Variants in RABGEF1 observed in about 807,000 individuals in gnomAD.
RABGEF1 encodes rab5 GDP/GTP exchange factor.
RABGEF1 carries 26 observed loss-of-function variants against 57.3 expected under a neutral mutation model. The observed-to-expected ratio is 0.45, with a 90% confidence interval of 0.33 to 0.63. The LOEUF (loss-of-function observed/expected upper bound fraction) is 0.63, where lower values mean the gene tolerates loss of function less well. Among genes scored for constraint, RABGEF1 ranks in the 20% least tolerant of loss-of-function variants. The pLI is 0.02. For missense variants in RABGEF1, 464 were observed against 607.6 expected (o/e 0.76, Z 2.48); for synonymous variants, 185 against 210.7 (o/e 0.88, Z 1.06).
intron 2 of RABGEF1, among the ~76,000 whole-genome samples, chr7:66,733,069 T>C (rs1390583377): frequency 6.6e-6 from 1 of 152,224 alleles, no homozygotes; most frequent in African/African-American, 2.4e-5. Context: ...TCAAGGTTCC[T>C]GGAGTCCTGG....
At chr7:66,690,100 C>CTT (rs892888858) in intron 1 of RABGEF1, among the ~76,000 whole-genome samples, 81 of 124,198 alleles carry the variant, frequency 6.5e-4, no homozygotes, top group Non-Finnish European at 8.3e-4. Context: ...ATAAAAAATT[C>CTT]TTTTTTTTTT....
chr7:66,721,100 G>A (rs1376428749), intron 2 of RABGEF1, among the ~76,000 whole-genome samples: 2 of 152,036 alleles, frequency 1.3e-5, no homozygotes, highest in Non-Finnish European at 2.9e-5. Context: ...TGTATATTTA[G>A]TAGGGATGGG....
intron 1 of RABGEF1, among the ~76,000 whole-genome samples, chr7:66,753,452 A>T (rs1419619562): frequency 6.6e-6 from 1 of 152,206 alleles, no homozygotes; most frequent in Admixed American, 6.5e-5. Flanking sequence ...AAAATATTAC[A>T]GGCATACTTT....
intron 1 of RABGEF1, among the ~76,000 whole-genome samples, chr7:66,766,463 C>A (rs1450188776): frequency 6.6e-6 from 1 of 152,030 alleles, no homozygotes; most frequent in Non-Finnish European, 1.5e-5. Context: ...CTATTCTTTT[C>A]TTTTTTTCTA....
intron 3 of RABGEF1, among the ~76,000 whole-genome samples, chr7:66,779,039 C>T (rs529786076): frequency 3.3e-5 from 5 of 152,058 alleles, no homozygotes; most frequent in East Asian, 3.9e-4. Flanking sequence ...CGCTTGAACC[C>T]GGGGAGTGGA....
At chr7:66,725,840 A>G (rs1385013874) in intron 2 of RABGEF1, among the ~76,000 whole-genome samples, 5 of 152,234 alleles carry the variant, frequency 3.3e-5, no homozygotes, top group Admixed American at 1.3e-4. Flanking sequence ...AGTTACACCC[A>G]TGCTTTGGAA....
At position 66,790,872 on chromosome 7, in the gene RABGEF1, T is replaced by C. The variant is rs113926933; in HGVS notation, c.514-4639T>C. Among the ~76,000 whole-genome samples, 430 of 152,356 alleles carry C rather than the reference T, an allele frequency of 2.8e-3. 1 individual carries two copies. The highest frequency in any genetic ancestry group is 1.0e-2 in the African/African-American group (414 of 41,590). On this transcript the variant is annotated intron_variant, in intron 4 of 8. Coordinates refer to ENST00000284957, the MANE Select transcript of RABGEF1 (RefSeq NM_014504.3). ...GACACTACAGGTCTTCTAGAGTTCA[T>C]GAATCACGCTGTATCTGCTCAGACT...
intron 1 of RABGEF1, among the ~76,000 whole-genome samples, chr7:66,771,199 C>T (rs1172343123): frequency 8.5e-5 from 13 of 152,150 alleles, no homozygotes; most frequent in African/African-American, 2.9e-4. Context: ...AGTGCAGTGG[C>T]GTGATCTTGG....
At chr7:66,777,648 G>T (rs952990237) in intron 3 of RABGEF1, among the ~76,000 whole-genome samples, 10 of 152,184 alleles carry the variant, frequency 6.6e-5, no homozygotes, top group Admixed American at 5.9e-4. Flanking sequence ...CTGGAGCTGG[G>T]TGCAGTGGCT....
At chr7:66,734,587 T>C (rs903067081) in intron 2 of RABGEF1, among the ~76,000 whole-genome samples, 13 of 150,920 alleles carry the variant, frequency 8.6e-5, no homozygotes, top group African/African-American at 3.2e-4. Context: ...TGAGCCACCA[T>C]GCCTGGCTAA....
upstream of RABGEF1, chr7:66,740,610 C>G (rs1384792107): frequency 6.6e-6 from 1 of 152,660 alleles, no homozygotes; most frequent in Admixed American, 6.5e-5. Context: ...CACTTCCTCC[C>G]GTCCAGAGTC....
intron 8 of RABGEF1, among the ~76,000 whole-genome samples, chr7:66,806,321 A>C (rs982479001): frequency 6.6e-6 from 1 of 152,184 alleles, no homozygotes; most frequent in Non-Finnish European, 1.5e-5. Context: ...ATTTATACCT[A>C]CTTTTGTATT....
intron 1 of RABGEF1, among the ~76,000 whole-genome samples, chr7:66,687,527 A>G (rs1421706420): frequency 6.6e-6 from 1 of 151,894 alleles, no homozygotes; most frequent in African/African-American, 2.4e-5. Flanking sequence ...AAGAAGAAGA[A>G]TATAGGCTAT....
At chr7:66,801,244 T>G (rs1787227842) in intron 7 of RABGEF1, among the ~76,000 whole-genome samples, 1 of 152,198 alleles carries the variant, frequency 6.6e-6, no homozygotes, top group South Asian at 2.1e-4. Context: ...CTGTTTTGTT[T>G]AATTTTTAAT....
chr7:66,680,620 CAATT>C (rs773006337), upstream of RABGEF1, among the ~76,000 whole-genome samples: 5 of 151,224 alleles, frequency 3.3e-5, no homozygotes, highest in Admixed American at 2.6e-4. Context: ...AGAAACGAAT[CAATT>C]AATCTCCACT....
At chr7:66,753,007 G>A (rs1045395029) in intron 1 of RABGEF1, among the ~76,000 whole-genome samples, 1 of 152,198 alleles carries the variant, frequency 6.6e-6, no homozygotes, top group African/African-American at 2.4e-5. Context: ...GTGGCTAAGA[G>A]CATGGGGTGG....
At chr7:66,748,818 C>T in intron 1 of RABGEF1, 1 of 180,350 alleles carries the variant, frequency 5.5e-6, no homozygotes, top group East Asian at 1.4e-4. Flanking sequence ...TCCATTTCTC[C>T]AATTCGAACT....
At chr7:66,764,528 A>C (rs770376207) in intron 1 of RABGEF1, among the ~76,000 whole-genome samples, 8 of 152,156 alleles carry the variant, frequency 5.3e-5, no homozygotes, top group Admixed American at 1.3e-4. Context: ...ATCCTTTGTC[A>C]AATCCAATAT....
upstream of RABGEF1, among the ~76,000 whole-genome samples, chr7:66,739,313 C>G (rs1585058350): frequency 6.6e-6 from 1 of 151,708 alleles, no homozygotes; most frequent in Non-Finnish European, 1.5e-5. Context: ...TAGGAAGAAT[C>G]TGAGAAACGA....
Sources: gnomAD v4.1 joint callset for allele counts (sites outside exome capture counted in the v4.1 genomes callset) on GRCh38, gnomAD v4.1.1 for gene constraint, MANE v1.5 for transcripts, NCBI Gene and HGNC (gene_info 2026-07-23, HGNC 2026-07-21) for gene names.